Variants in GRID2 observed in about 807,000 individuals in gnomAD.
The protein encoded by GRID2 is glutamate ionotropic receptor delta type subunit 2, also known as glutamate receptor ionotropic, delta-2.
In GRID2, 33 loss-of-function variants were observed where a neutral mutation model predicts 114.8. That is an observed-to-expected ratio of 0.29 (90% CI 0.22 to 0.38). The LOEUF is 0.38. Among genes scored for constraint, GRID2 ranks in the 10% least tolerant of loss-of-function variants. The pLI is 1.00. For synonymous variants in GRID2, 505 were observed against 449.9 expected (o/e 1.12, Z -1.55); for missense variants, 1,184 against 1,257.7 (o/e 0.94, Z 0.89).
intron 8 of GRID2, among the ~76,000 whole-genome samples, chr4:93,240,438 CATT>C (rs1747358445): frequency 6.6e-6 from 1 of 151,048 alleles, no homozygotes; most frequent in Non-Finnish European, 1.5e-5. Context: ...GTTAATTGCT[CATT>C]ATTTTTTTTT....
intron 13 of GRID2, among the ~76,000 whole-genome samples, chr4:93,568,133 C>G (rs992322957): frequency 6.6e-6 from 1 of 152,088 alleles, no homozygotes; most frequent in Non-Finnish European, 1.5e-5. Context: ...TGTTTCCTCA[C>G]CTATAAGGTA....
chr4:93,533,244 CTCTTCCTT>C (rs1185209348), intron 13 of GRID2, among the ~76,000 whole-genome samples: 46 of 142,570 alleles, frequency 3.2e-4, no homozygotes, highest in South Asian at 9.2e-4. Context: ...CTTTCTTTCT[CTCTTCCTT>C]CCTTCCTTCC....
At chr4:93,282,099 G>A (rs528443654) in intron 8 of GRID2, among the ~76,000 whole-genome samples, 10 of 151,978 alleles carry the variant, frequency 6.6e-5, no homozygotes, top group East Asian at 5.8e-4. Context: ...TTTTTTGAAC[G>A]TCACATTATT....
intron 4 of GRID2, among the ~76,000 whole-genome samples, chr4:93,170,704 G>T (rs1738723093): frequency 6.6e-6 from 1 of 152,024 alleles, no homozygotes; most frequent in Non-Finnish European, 1.5e-5. Context: ...CGCAGCTTTG[G>T]GTAACTGTTT....
At chr4:92,726,198 A>T (rs113995087) in intron 2 of GRID2, among the ~76,000 whole-genome samples, 1 of 152,146 alleles carries the variant, frequency 6.6e-6, no homozygotes, top group Non-Finnish European at 1.5e-5. Context: ...GGAGAGGGAC[A>T]AATGGGATTT....
chr4:92,976,969 G>C (rs887194200), intron 2 of GRID2, among the ~76,000 whole-genome samples: 3 of 152,090 alleles, frequency 2.0e-5, no homozygotes, highest in African/African-American at 7.2e-5. Context: ...ATCCATGACT[G>C]ACTAAAGTAC....
At chr4:92,904,555 A>G (rs1049862384) in intron 2 of GRID2, among the ~76,000 whole-genome samples, 9 of 151,926 alleles carry the variant, frequency 5.9e-5, no homozygotes, top group Admixed American at 2.0e-4. Flanking sequence ...CTGTGGCAAC[A>G]GAGTTTCTAA....
At chr4:93,171,052 T>C (rs754864033) in intron 4 of GRID2, among the ~76,000 whole-genome samples, 20 of 152,292 alleles carry the variant, frequency 1.3e-4, no homozygotes, top group Non-Finnish European at 1.9e-4. Context: ...AAAAGTAGAA[T>C]CATCTTTTAA....
intron 1 of GRID2, among the ~76,000 whole-genome samples, chr4:93,781,927 A>C (rs958343337): frequency 6.6e-6 from 1 of 152,202 alleles, no homozygotes; most frequent in African/African-American, 2.4e-5. Flanking sequence ...CTGACAAATG[A>C]ACAAAATCTC....
At chr4:92,986,630 A>G (rs899136427) in intron 2 of GRID2, among the ~76,000 whole-genome samples, 1 of 152,174 alleles carries the variant, frequency 6.6e-6, no homozygotes, top group Admixed American at 6.5e-5. Context: ...ATTTATTAAT[A>G]TAAAGGAATG....
chr4:92,685,575 T>A (rs1037965475), intron 2 of GRID2, among the ~76,000 whole-genome samples: 2 of 152,080 alleles, frequency 1.3e-5, no homozygotes, highest in Non-Finnish European at 2.9e-5. Flanking sequence ...TATAATACTT[T>A]CATAGTAATG....
At chr4:93,243,155 T>C (rs1747743169) in intron 8 of GRID2, among the ~76,000 whole-genome samples, 1 of 152,024 alleles carries the variant, frequency 6.6e-6, no homozygotes, top group Non-Finnish European at 1.5e-5. Context: ...ATTTTGAAAT[T>C]TTCATTTTTA....
chr4:92,506,482 T>C (rs1332318925), intron 1 of GRID2, among the ~76,000 whole-genome samples: 1 of 151,974 alleles, frequency 6.6e-6, no homozygotes, highest in Non-Finnish European at 1.5e-5. Flanking sequence ...TTTATTGGCA[T>C]GAGCAAAATA....
intron 8 of GRID2, among the ~76,000 whole-genome samples, chr4:93,316,291 C>CGAAGGAAAGAAAGAAA (rs1756595128): frequency 2.6e-5 from 2 of 77,122 alleles, no homozygotes; most frequent in Non-Finnish European, 5.1e-5. Flanking sequence ...AACGAAAGAA[C>CGAAGGAAAGAAAGAAA]GAAAGAAAGA....
At chr4:93,548,972 A>G (rs1733502281) in intron 13 of GRID2, among the ~76,000 whole-genome samples, 2 of 152,340 alleles carry the variant, frequency 1.3e-5, no homozygotes, top group South Asian at 4.1e-4. Flanking sequence ...TTTTCATAAA[A>G]TCAAGGTGTA....
chr4:92,551,746 T>G (rs1010153172), intron 1 of GRID2, among the ~76,000 whole-genome samples: 2 of 152,138 alleles, frequency 1.3e-5, no homozygotes, highest in East Asian at 3.9e-4. Flanking sequence ...CAGACAATTA[T>G]AAACATGTTG....
chr4:92,623,595 T>G (rs1055361283), intron 2 of GRID2, among the ~76,000 whole-genome samples: 1 of 151,768 alleles, frequency 6.6e-6, no homozygotes, highest in Admixed American at 6.6e-5. Flanking sequence ...TCAGAGACAG[T>G]AGTGGCATGT....
In GRID2 at chr4:93,590,851, CTGTT is replaced by C. The variant is rs1196429368; in HGVS notation, c.2194-35414_2194-35411del. Among the ~76,000 whole-genome samples, 4 of 149,202 alleles carry C rather than the reference CTGTT, an allele frequency of 2.7e-5. No individual in the cohort carries two copies. The East Asian group carries it at 6.0e-4, about 22-fold the overall frequency. ...GGGAGTTCACTCATGATTTGGCTCT[CTGTT>C]TGTCTGTTGTTGGTGTATAGGAATG... On this transcript the variant is annotated intron_variant, in intron 13 of 15. Coordinates refer to ENST00000282020, the MANE Select transcript of GRID2 (RefSeq NM_001510.4).
At chr4:93,712,865 T>G (rs1578636755) in intron 14 of GRID2, among the ~76,000 whole-genome samples, 1 of 152,250 alleles carries the variant, frequency 6.6e-6, no homozygotes, top group East Asian at 1.9e-4. Flanking sequence ...CTAAAAGGCT[T>G]CCACTTACAC....
Sources: gnomAD v4.1 joint callset for allele counts (sites outside exome capture counted in the v4.1 genomes callset) on GRCh38, gnomAD v4.1.1 for gene constraint, MANE v1.5 for transcripts, NCBI Gene and HGNC (gene_info 2026-07-23, HGNC 2026-07-21) for gene names.